Variants in ADAMTS12 observed in about 807,000 individuals in gnomAD.
ADAMTS12 encodes the protein ADAM metallopeptidase with thrombospondin type 1 motif 12.
Under a neutral mutation model 167.8 loss-of-function variants are expected in ADAMTS12, and 118 were observed. That is an observed-to-expected ratio of 0.70 (90% CI 0.61 to 0.82). The LOEUF is 0.82. Among genes scored for constraint, ADAMTS12 ranks in the 40% least tolerant of loss-of-function variants. ADAMTS12 has a pLI of 0.00. For missense variants in ADAMTS12, 1,916 were observed against 1,998.8 expected (o/e 0.96, Z 0.79); for synonymous variants, 704 against 716.9 (o/e 0.98, Z 0.29).
intron 18 of ADAMTS12, among the ~76,000 whole-genome samples, chr5:33,583,191 T>C (rs769709407): frequency 1.3e-5 from 2 of 152,206 alleles, no homozygotes; most frequent in Non-Finnish European, 2.9e-5. Context: ...TCTATGTCCA[T>C]AAGTTCAATT....
intron 17 of ADAMTS12, among the ~76,000 whole-genome samples, chr5:33,595,259 T>A (rs1403427047): frequency 6.6e-6 from 1 of 152,186 alleles, no homozygotes; most frequent in East Asian, 1.9e-4. Flanking sequence ...AGCAACACCC[T>A]GAATATTGCT....
chr5:33,544,350 T>G (rs966005487), intron 22 of ADAMTS12, among the ~76,000 whole-genome samples: 3 of 151,906 alleles, frequency 2.0e-5, no homozygotes, highest in East Asian at 1.9e-4. Flanking sequence ...CACTGCTCAA[T>G]GAAATAAAAG....
intron 16 of ADAMTS12, chr5:33,603,849 A>T (rs963348151): frequency 2.6e-5 from 4 of 152,234 alleles, no homozygotes; most frequent in Admixed American, 2.6e-4. Context: ...ACAAAATTAG[A>T]TTATAAAATA....
chr5:33,574,150 G>C (rs1416796573), intron 19 of ADAMTS12, among the ~76,000 whole-genome samples: 4 of 151,578 alleles, frequency 2.6e-5, no homozygotes, highest in Non-Finnish European at 5.9e-5. Context: ...CTGTTGGTGG[G>C]ACTGTAAACT....
chr5:33,609,931 G>C (rs540589377), intron 16 of ADAMTS12, among the ~76,000 whole-genome samples: 1 of 152,270 alleles, frequency 6.6e-6, no homozygotes, highest in African/African-American at 2.4e-5. Context: ...TGTAATTGCA[G>C]CACTTTGGGA....
chr5:33,773,181 G>A (rs1432195647), intron 2 of ADAMTS12, among the ~76,000 whole-genome samples: 2 of 151,620 alleles, frequency 1.3e-5, no homozygotes, highest in Admixed American at 6.6e-5. Context: ...TTTTTTGTTC[G>A]GTGACTTGTT....
intron 2 of ADAMTS12, among the ~76,000 whole-genome samples, chr5:33,866,465 TA>T (rs1483883972): frequency 6.6e-6 from 1 of 152,124 alleles, no homozygotes; most frequent in Non-Finnish European, 1.5e-5. Flanking sequence ...ATCAAAGACT[TA>T]AATTTAAGAC....
At chr5:33,849,247 A>G (rs1579989801) in intron 2 of ADAMTS12, among the ~76,000 whole-genome samples, 1 of 102,032 alleles carries the variant, frequency 9.8e-6, no homozygotes, top group Admixed American at 1.0e-4. Context: ...ATTGCATAGC[A>G]ATATATATAT....
intron 2 of ADAMTS12, among the ~76,000 whole-genome samples, chr5:33,867,113 C>T (rs1749852713): frequency 6.6e-6 from 1 of 152,030 alleles, no homozygotes; most frequent in South Asian, 2.1e-4. Flanking sequence ...TACTGTGTAT[C>T]TACTCAAAGG....
intron 5 of ADAMTS12, among the ~76,000 whole-genome samples, chr5:33,674,262 G>A (rs1001529728): frequency 2.6e-5 from 4 of 152,106 alleles, no homozygotes; most frequent in African/African-American, 9.7e-5. Context: ...GTTCTCCTGT[G>A]GATTAGGGAA....
chr5:33,672,674 C>T (rs986829452), intron 5 of ADAMTS12, among the ~76,000 whole-genome samples: 6 of 152,134 alleles, frequency 3.9e-5, no homozygotes, highest in African/African-American at 9.7e-5. Flanking sequence ...TTCGAAAAAG[C>T]GAATGTTTAC....
intron 14 of ADAMTS12, among the ~76,000 whole-genome samples, chr5:33,620,155 A>G (rs560424191): frequency 3.8e-4 from 58 of 152,366 alleles, no homozygotes; most frequent in Non-Finnish European, 5.7e-4. Context: ...TGGCTTTACA[A>G]ATTTCCTTTT....
chr5:33,714,329 T>C (rs756000387), intron 3 of ADAMTS12, among the ~76,000 whole-genome samples: 1 of 152,102 alleles, frequency 6.6e-6, no homozygotes, highest in East Asian at 1.9e-4. Context: ...TTGTTGGCAA[T>C]GTAAATCAAA....
chr5:33,756,329 C>T (rs2112400077), intron 2 of ADAMTS12, among the ~76,000 whole-genome samples: 1 of 152,322 alleles, frequency 6.6e-6, no homozygotes, highest in African/African-American at 2.4e-5. Flanking sequence ...CTATGGATTC[C>T]AGCACTGTGT....
At chr5:33,878,279 C>CT (rs59487114) in intron 2 of ADAMTS12, among the ~76,000 whole-genome samples, 11 of 149,106 alleles carry the variant, frequency 7.4e-5, no homozygotes, top group Middle Eastern at 3.4e-3. Context: ...CTTTGGGTGC[C>CT]TTTTTTTTTT....
chr5:33,767,474 T>TG, intron 2 of ADAMTS12, among the ~76,000 whole-genome samples: 1 of 152,226 alleles, frequency 6.6e-6, no homozygotes, highest in African/African-American at 2.4e-5. Context: ...TTAGCTGTGT[T>TG]ATTTTTTGTA....
At chr5:33,659,205 T>G (rs1741169068) in intron 6 of ADAMTS12, among the ~76,000 whole-genome samples, 2 of 152,188 alleles carry the variant, frequency 1.3e-5, no homozygotes, top group Non-Finnish European at 2.9e-5. Flanking sequence ...AGAACCCATG[T>G]GAATCTTCAG....
intron 7 of ADAMTS12, among the ~76,000 whole-genome samples, chr5:33,652,385 T>A (rs1481265238): frequency 6.6e-6 from 1 of 152,290 alleles, no homozygotes; most frequent in South Asian, 2.1e-4. Flanking sequence ...TAATTAGTGA[T>A]GTTGAGGATT....
Position 33,637,701 on chromosome 5 carries a change from A to G in ADAMTS12, c.1764T>C (p.Tyr588=). The G allele has an allele frequency of 6.2e-7, 1 of 1,613,642 alleles. No homozygotes were observed. Among genetic ancestry groups the G allele is most frequent in the Non-Finnish European group, 8.5e-7 (1 of 1,179,670 alleles). The change falls in exon 12 of 24, where the codon TAT becomes TAC. Residue 588 remains tyrosine (Y), a synonymous_variant. Coordinates refer to ENST00000504830, the MANE Select transcript of ADAMTS12 (RefSeq NM_030955.4). Reference sequence around the variant, plus strand: ...GACAGGGGTGGACGTTGCACAAGCGATAGCGTTTTCTTTCTCCAGTGCAAT... The same window carrying G: ...GACAGGGGTGGACGTTGCACAAGCGGTAGCGTTTTCTTTCTCCAGTGCAAT... ...GKYCTGERKR[Y]RLCNVHPCRS...
Sources: gnomAD v4.1 joint callset for allele counts (sites outside exome capture counted in the v4.1 genomes callset) on GRCh38, gnomAD v4.1.1 for gene constraint, MANE v1.5 for transcripts, NCBI Gene and HGNC (gene_info 2026-07-23, HGNC 2026-07-21) for gene names.